NRXN1: variants seen among roughly 807,000 people sequenced by gnomAD.
NRXN1 encodes neurexin-1.
In NRXN1, 39 loss-of-function variants were observed where a neutral mutation model predicts 150.9. The observed-to-expected ratio is 0.26, with a 90% confidence interval of 0.20 to 0.34. NRXN1 has a LOEUF of 0.34. NRXN1 is among the 10% of genes least tolerant of loss of function. The probability of loss-of-function intolerance (pLI) is 1.00; values close to 1 mark genes in which losing one functional copy is unlikely to be tolerated. For synonymous variants in NRXN1, 924 were observed against 757.0 expected, an observed-to-expected ratio of 1.22 and a Z score of -3.62; for missense variants, 1,815 against 1,949.9, an observed-to-expected ratio of 0.93 and a Z score of 1.30.
At chr2:50,611,109 C>T (rs1678044366) in intron 8 of NRXN1, among the ~76,000 whole-genome samples, 1 of 139,270 alleles carries the variant, frequency 7.2e-6, no homozygotes, top group South Asian at 2.7e-4. Context: ...AATGCATAAG[C>T]AAATGGAGCA....
chr2:49,957,401 T>A (rs767488121), intron 21 of NRXN1, among the ~76,000 whole-genome samples: 1 of 152,154 alleles, frequency 6.6e-6, no homozygotes, highest in African/African-American at 2.4e-5. Context: ...ATGGCTCTTG[T>A]AGACATTTTC....
At chr2:50,643,052 G>A (rs1684290598) in intron 5 of NRXN1, among the ~76,000 whole-genome samples, 1 of 151,866 alleles carries the variant, frequency 6.6e-6, no homozygotes, top group Non-Finnish European at 1.5e-5. Context: ...GAATATATGA[G>A]AAATAAAAGC....
intron 5 of NRXN1, among the ~76,000 whole-genome samples, chr2:50,802,575 A>AGG (rs1480416544): frequency 6.7e-6 from 1 of 149,966 alleles, no homozygotes; most frequent in East Asian, 2.0e-4. Flanking sequence ...GGAAGGAGAG[A>AGG]GACAGAGAGA....
chr2:50,465,263 A>G, intron 17 of NRXN1, 179 bp downstream of exon 17: 1 of 446,892 alleles, frequency 2.2e-6, no homozygotes. Flanking sequence ...CACAGGATTT[A>G]GCCACTTTAA....
intron 5 of NRXN1, among the ~76,000 whole-genome samples, chr2:50,723,614 T>C (rs1343703022): frequency 3.3e-5 from 5 of 152,184 alleles, no homozygotes; most frequent in East Asian, 1.9e-4. Flanking sequence ...TTTTCACTTA[T>C]AAAGTTACCC....
At chr2:50,383,968 C>A (rs1287004432) in intron 17 of NRXN1, among the ~76,000 whole-genome samples, 3 of 152,140 alleles carry the variant, frequency 2.0e-5, no homozygotes, top group African/African-American at 7.2e-5. Flanking sequence ...ACATGTTGAA[C>A]TTGCCTAGAT....
intron 18 of NRXN1, among the ~76,000 whole-genome samples, chr2:50,120,622 T>C (rs1703723987): frequency 6.6e-6 from 1 of 152,224 alleles, no homozygotes; most frequent in Non-Finnish European, 1.5e-5. Context: ...AATATAGATA[T>C]ATATTTCATT....
chr2:50,510,485 C>CAAAAAAAA (rs540578029), intron 12 of NRXN1, among the ~76,000 whole-genome samples: 8 of 39,692 alleles, frequency 2.0e-4, no homozygotes, highest in Admixed American at 5.4e-4. Flanking sequence ...GACTCCATCT[C>CAAAAAAAA]AAAAAAAAAA....
intron 5 of NRXN1, among the ~76,000 whole-genome samples, chr2:50,738,638 T>C: frequency 6.6e-6 from 1 of 152,304 alleles, no homozygotes; most frequent in East Asian, 1.9e-4. Flanking sequence ...CCCACTTTTT[T>C]AAATTGGCAA....
chr2:50,610,760 A>T (rs1303153335), intron 8 of NRXN1, among the ~76,000 whole-genome samples: 1 of 141,856 alleles, frequency 7.0e-6, no homozygotes, highest in African/African-American at 2.6e-5. Flanking sequence ...ATATTTATAT[A>T]TATATATATA....
At chr2:50,296,606 C>T (rs538114777) in intron 17 of NRXN1, among the ~76,000 whole-genome samples, 217 of 150,196 alleles carry the variant, frequency 1.4e-3, no homozygotes, top group Non-Finnish European at 2.5e-3. Context: ...GTAGTTGGAA[C>T]AACAGGCATG....
At chr2:51,020,081 G>C (rs1189903210) in intron 2 of NRXN1, among the ~76,000 whole-genome samples, 1 of 150,810 alleles carries the variant, frequency 6.6e-6, no homozygotes, top group Non-Finnish European at 1.5e-5. Flanking sequence ...AGTTGAGGGA[G>C]AGTTTACATA....
chr2:50,684,060 C>T (rs1466063337), intron 5 of NRXN1, among the ~76,000 whole-genome samples: 1 of 151,846 alleles, frequency 6.6e-6, no homozygotes, highest in Non-Finnish European at 1.5e-5. Flanking sequence ...GATAGGTTAC[C>T]GACTACTCCT....
chr2:50,230,520 G>A (rs1203314786), intron 18 of NRXN1, among the ~76,000 whole-genome samples: 1 of 151,960 alleles, frequency 6.6e-6, no homozygotes, highest in Non-Finnish European at 1.5e-5. Flanking sequence ...TATATAAAAT[G>A]GATAGAAAAG....
At chr2:50,910,720 TA>T (rs1684396313) in intron 5 of NRXN1, among the ~76,000 whole-genome samples, 1 of 151,934 alleles carries the variant, frequency 6.6e-6, no homozygotes, top group East Asian at 1.9e-4. Flanking sequence ...ATGGTGTTCC[TA>T]AAAAAAGAAT....
At chr2:50,095,214 C>T (rs1333351331) in intron 18 of NRXN1, among the ~76,000 whole-genome samples, 2 of 152,192 alleles carry the variant, frequency 1.3e-5, no homozygotes, top group East Asian at 1.9e-4. Context: ...TAAAAGTGAA[C>T]GGATGACCTT....
rs1459955566 is a variant in NRXN1, at chr2:50,691,383, C to T, written c.833-67768G>A. On this transcript the variant is annotated intron_variant, in intron 5 of 22. Transcript: ENST00000401669. ...AACTCTCTGCGATAACAGGTTCAGA[C>T]TGACCTGGTATCTCATAAGACATTT... Among the ~76,000 whole-genome samples the T allele has an allele frequency of 4.6e-5, 7 of 152,132 alleles. 1 individual carries two copies. Among genetic ancestry groups the T allele is most frequent in the Admixed American group, 3.3e-4 (5 of 15,274 alleles).
At chr2:50,386,166 G>A (rs1012120350) in intron 17 of NRXN1, among the ~76,000 whole-genome samples, 1 of 151,954 alleles carries the variant, frequency 6.6e-6, no homozygotes, top group Admixed American at 6.6e-5. Context: ...TTATTGAAAT[G>A]CATTTTGTTA....
chr2:50,890,624 G>C (rs1422827928), intron 5 of NRXN1, among the ~76,000 whole-genome samples: 4 of 151,738 alleles, frequency 2.6e-5, no homozygotes, highest in African/African-American at 2.4e-5. Flanking sequence ...ACTACGTTAA[G>C]TATGAATGTG....
Sources: allele counts gnomAD v4.1 joint callset (sites outside exome capture counted in the v4.1 genomes callset), GRCh38; gene constraint gnomAD v4.1.1; transcripts MANE v1.5; gene names NCBI Gene and HGNC (gene_info 2026-07-23, HGNC 2026-07-21).